SLC38A12: variants seen among roughly 807,000 people sequenced by gnomAD.
SLC38A12 encodes the protein solute carrier family 38 member 12, also known as putative sodium-coupled neutral amino acid transporter 12.
the SLC38A12 span, chr17:74,791,138 A>G: frequency 6.7e-6 from 7 of 1,043,800 alleles, no homozygotes; most frequent in African/African-American, 4.7e-5. Context: ...CAGCCAGACC[A>G]TGGGGCAGAG....
At chr17:74,832,971 T>C in the SLC38A12 span, among the ~76,000 whole-genome samples, 1 of 152,236 alleles carries the variant, frequency 6.6e-6, no homozygotes, top group African/African-American at 2.4e-5. Flanking sequence ...AAACTAATTA[T>C]GGCTAGAAGA....
At chr17:74,779,821 C>G in the SLC38A12 span, among the ~76,000 whole-genome samples, 2 of 152,220 alleles carry the variant, frequency 1.3e-5, no homozygotes, top group East Asian at 1.9e-4. Flanking sequence ...GTTCTTTTCC[C>G]CTTCAGGAGT....
chr17:74,837,573 A>C, the SLC38A12 span: 1 of 985,408 alleles, frequency 1.0e-6, no homozygotes, highest in Non-Finnish European at 1.2e-6. Flanking sequence ...TGAGGTTCCC[A>C]CCCTGACAAT....
the SLC38A12 span, among the ~76,000 whole-genome samples, chr17:74,802,484 G>A: frequency 6.6e-6 from 1 of 152,164 alleles, no homozygotes; most frequent in Non-Finnish European, 1.5e-5. Context: ...AGGGTCTTAT[G>A]TTCTTGCTTC....
chr17:74,779,818 T>C, the SLC38A12 span, among the ~76,000 whole-genome samples: 8 of 152,188 alleles, frequency 5.3e-5, no homozygotes, highest in African/African-American at 1.7e-4. Context: ...TGAGTTCTTT[T>C]CCCCTTCAGG....
the SLC38A12 span, among the ~76,000 whole-genome samples, chr17:74,796,812 A>G: frequency 6.6e-6 from 1 of 152,220 alleles, no homozygotes; most frequent in Non-Finnish European, 1.5e-5. Context: ...GGGCGGGAAA[A>G]GGTACTGGCA....
chr17:74,830,878 G>A, the SLC38A12 span, among the ~76,000 whole-genome samples: 1 of 152,248 alleles, frequency 6.6e-6, no homozygotes, highest in African/African-American at 2.4e-5. Flanking sequence ...AGTGTGGCGA[G>A]GCCTGCGTGT....
the SLC38A12 span, chr17:74,838,561 G>A: frequency 0.021 from 24,388 of 1,163,374 alleles, 298 homozygotes; most frequent in Non-Finnish European, 0.024. Flanking sequence ...CCATGGAGTC[G>A]GTGGCCGTGT....
chr17:74,802,886 CG>C, the SLC38A12 span, among the ~76,000 whole-genome samples: 2 of 152,094 alleles, frequency 1.3e-5, no homozygotes, highest in Non-Finnish European at 2.9e-5. Flanking sequence ...GGTTTACTCC[CG>C]GGCACGTGGG....
At chr17:74,810,879 C>A in the SLC38A12 span, among the ~76,000 whole-genome samples, 6 of 152,228 alleles carry the variant, frequency 3.9e-5, no homozygotes, top group Non-Finnish European at 8.8e-5. Flanking sequence ...ACACAGGCTG[C>A]CGGCATGGTT....
the SLC38A12 span, among the ~76,000 whole-genome samples, chr17:74,835,652 G>A: frequency 2.6e-5 from 4 of 152,230 alleles, no homozygotes; most frequent in East Asian, 5.8e-4. Flanking sequence ...CTGCAAAGCC[G>A]GACCACCCTG....
the SLC38A12 span, among the ~76,000 whole-genome samples, chr17:74,805,019 G>A: frequency 7.2e-5 from 11 of 152,336 alleles, no homozygotes; most frequent in South Asian, 4.1e-4. This position sits in a 1 kb window ranked among gnomAD's most constrained non-coding sequence, Gnocchi z 5.0. Context: ...TGGGTCCTGC[G>A]CCAGGCCTGA....
the SLC38A12 span, chr17:74,839,402 G>A: frequency 2.6e-6 from 1 of 378,832 alleles, no homozygotes; most frequent in East Asian, 5.0e-5. Context: ...AGGCCTGGGG[G>A]AAGTGGAAGC....
At chr17:74,789,584 G>A in the SLC38A12 span, among the ~76,000 whole-genome samples, 26 of 149,330 alleles carry the variant, frequency 1.7e-4, no homozygotes, top group South Asian at 5.1e-3. Flanking sequence ...AGTGGCTCAT[G>A]CCTGCAATCC....
chr17:74,811,794 G>A, the SLC38A12 span, among the ~76,000 whole-genome samples: 2 of 152,068 alleles, frequency 1.3e-5, no homozygotes, highest in Admixed American at 1.3e-4. Flanking sequence ...CACTTTGGGA[G>A]GCCAAGGCAG....
chr17:74,800,741 C>T, the SLC38A12 span, among the ~76,000 whole-genome samples: 3 of 152,222 alleles, frequency 2.0e-5, no homozygotes, highest in Non-Finnish European at 4.4e-5. Context: ...GGCACAACTC[C>T]AGTAGAACAC....
chr17:74,808,343 T>C, the SLC38A12 span, among the ~76,000 whole-genome samples: 1 of 152,244 alleles, frequency 6.6e-6, no homozygotes, highest in East Asian at 1.9e-4. Context: ...TGACTGAAGA[T>C]GACCTGTTTC....
At chr17:74,815,333 T>C in the SLC38A12 span, among the ~76,000 whole-genome samples, 10 of 152,136 alleles carry the variant, frequency 6.6e-5, no homozygotes, top group African/African-American at 2.2e-4. Context: ...GCTGGGACAA[T>C]GCGGCCTTGG....
chr17:74,808,599 G>A, the SLC38A12 span, among the ~76,000 whole-genome samples: 1 of 152,196 alleles, frequency 6.6e-6, no homozygotes, highest in African/African-American at 2.4e-5. Flanking sequence ...TCAGTCTCAG[G>A]TGTCTCGGGA....
Sources: gnomAD v4.1 joint callset for allele counts (sites outside exome capture counted in the v4.1 genomes callset) on GRCh38, gnomAD v4.1.1 for gene constraint, Gnocchi (gnomAD v3.1) non-coding constraint, MANE v1.5 for transcripts, NCBI Gene and HGNC (gene_info 2026-07-23, HGNC 2026-07-21) for gene names.